RHEX: variants seen among roughly 807,000 people sequenced by gnomAD.
The protein encoded by RHEX is regulator of hemoglobinization and erythroid cell expansion protein.
A neutral mutation model predicts 20.1 loss-of-function variants in RHEX; 18 were observed. The ratio of observed to expected loss-of-function variants is 0.90; its 90% CI spans 0.62 to 1.33. The LOEUF (loss-of-function observed/expected upper bound fraction) is 1.33. Among genes scored for constraint, RHEX ranks in the 40% most tolerant of loss-of-function variants. The pLI, the probability that RHEX is intolerant of heterozygous loss-of-function variation, is 0.00. For synonymous variants in RHEX, 87 were observed against 77.1 expected (o/e 1.13, Z -0.67); for missense variants, 192 against 214.3 (o/e 0.90, Z 0.65).
chr1:206,082,856 G>A (rs1013455057), intron 1 of RHEX, among the ~76,000 whole-genome samples: 4 of 147,898 alleles, frequency 2.7e-5, no homozygotes, highest in African/African-American at 9.7e-5. Flanking sequence ...TGTTTTCTTT[G>A]TCTGTTTTAT....
intron 1 of RHEX, among the ~76,000 whole-genome samples, chr1:206,058,682 T>A (rs1662247023): frequency 6.6e-6 from 1 of 152,118 alleles, no homozygotes; most frequent in Admixed American, 6.5e-5. Flanking sequence ...TCTGTTTCTC[T>A]CTGACCACCG....
At position 206,067,436 on chromosome 1, in the gene RHEX, A is replaced by G. The variant is rs1270890245; in HGVS notation, c.-97+14171A>G. On this transcript the variant is annotated intron_variant, in intron 1 of 5. Coordinates refer to ENST00000331555, the MANE Select transcript of RHEX (RefSeq NM_001007544.4). The surrounding 1 kb of genome is among the most constrained non-coding windows in gnomAD (Gnocchi z 4.6). ...GAGAGACATTAATGGGTGTAGGGAT[A>G]GAGAGATTAAATGAGACCTATGATC... Among the ~76,000 whole-genome samples, 1 of 152,236 alleles carries G rather than the reference A, an allele frequency of 6.6e-6. No homozygotes were observed. The highest frequency in any genetic ancestry group is 1.5e-5 in the Non-Finnish European group (1 of 68,036).
chr1:206,084,609 A>G (rs1305316635), intron 1 of RHEX, among the ~76,000 whole-genome samples: 4 of 152,178 alleles, frequency 2.6e-5, no homozygotes, highest in African/African-American at 9.7e-5. Context: ...TCAGGTACTC[A>G]AGGAAGACTT....
chr1:206,058,504 C>T (rs1330826660), intron 1 of RHEX, among the ~76,000 whole-genome samples: 1 of 152,246 alleles, frequency 6.6e-6, no homozygotes, highest in Non-Finnish European at 1.5e-5. Context: ...AAAAAAACAA[C>T]AAGGAAGTAG....
intron 1 of RHEX, among the ~76,000 whole-genome samples, chr1:206,063,875 C>G (rs1378105918): frequency 2.0e-5 from 3 of 150,016 alleles, no homozygotes; most frequent in African/African-American, 7.4e-5. Context: ...GTGAGGAGCC[C>G]CTCTGCCTGG....
At chr1:206,099,561 C>T in intron 3 of RHEX, 94 bp from the exon 4 acceptor site, 1 of 1,176,482 alleles carries the variant, frequency 8.5e-7, no homozygotes, top group Non-Finnish European at 1.2e-6. Flanking sequence ...TCAAGTGATC[C>T]ATTTACCTCA....
chr1:206,054,619 TTTCTTAAAGCA>T (rs2102300583), intron 1 of RHEX, among the ~76,000 whole-genome samples: 1 of 152,384 alleles, frequency 6.6e-6, no homozygotes, highest in Non-Finnish European at 1.5e-5. Context: ...GCCACAGGTT[TTTCTTAAAGCA>T]TCAACCTGCT....
At chr1:206,096,522 G>A (rs1393907300) in intron 1 of RHEX, among the ~76,000 whole-genome samples, 1 of 152,198 alleles carries the variant, frequency 6.6e-6, no homozygotes, top group Non-Finnish European at 1.5e-5. Flanking sequence ...GCCCTGGCAG[G>A]GGTCTTGAGG....
chr1:206,078,834 T>G (rs566181939), intron 1 of RHEX, among the ~76,000 whole-genome samples: 21 of 152,284 alleles, frequency 1.4e-4, no homozygotes, highest in African/African-American at 4.6e-4. Flanking sequence ...AAGACACCCA[T>G]GAAGCCATGT....
At chr1:206,091,828 C>A (rs1199505193) in intron 1 of RHEX, among the ~76,000 whole-genome samples, 1 of 152,082 alleles carries the variant, frequency 6.6e-6, no homozygotes, top group Non-Finnish European at 1.5e-5. Context: ...CCTGGGCTAA[C>A]TTCTTGATAT....
chr1:206,057,931 G>A (rs1361579231), intron 1 of RHEX, among the ~76,000 whole-genome samples: 3 of 152,366 alleles, frequency 2.0e-5, no homozygotes, highest in East Asian at 3.8e-4. Flanking sequence ...AGCCTTGACT[G>A]TTCTTGCCTG....
chr1:206,080,263 T>A (rs782551179), intron 1 of RHEX: 5 of 152,384 alleles, frequency 3.3e-5, no homozygotes, highest in Non-Finnish European at 7.3e-5. Context: ...CAATCCTATT[T>A]CTGACACTTC....
At chr1:206,064,061 A>G (rs1451716635) in intron 1 of RHEX, among the ~76,000 whole-genome samples, 8 of 146,958 alleles carry the variant, frequency 5.4e-5, no homozygotes, top group African/African-American at 1.8e-4. Context: ...CTGGGATGTG[A>G]GGAGCGCCTC....
intron 1 of RHEX, among the ~76,000 whole-genome samples, chr1:206,055,835 C>T (rs1662182941): frequency 6.6e-6 from 1 of 152,272 alleles, no homozygotes; most frequent in African/African-American, 2.4e-5. Context: ...ACTGTAGGGC[C>T]CTGGCCAAGG....
chr1:206,100,553 T>C (rs1280030372), intron 4 of RHEX, among the ~76,000 whole-genome samples: 2 of 152,208 alleles, frequency 1.3e-5, no homozygotes, highest in African/African-American at 2.4e-5. Flanking sequence ...GGAGAGGCAC[T>C]GGCCTTACCC....
rs75602644 is a variant in RHEX at position 206,071,845 on chromosome 1, C to A, written c.-97+18580C>A. ...GCCTCGGTAACAAAGTGAGACGCCC[C>A]CTGTCCAACAACTCAAAAAAAAAAA... On this transcript the variant is annotated intron_variant, in intron 1 of 5. Transcript: ENST00000331555. Among the ~76,000 whole-genome samples, 1,137 of 149,288 alleles carry A rather than the reference C, an allele frequency of 7.6e-3. 5 individuals carry two copies. The highest frequency in any genetic ancestry group is 0.014 in the Middle Eastern group (4 of 290).
intron 1 of RHEX, among the ~76,000 whole-genome samples, chr1:206,097,059 G>A (rs149138603): frequency 6.6e-6 from 1 of 152,314 alleles, no homozygotes; most frequent in Non-Finnish European, 1.5e-5. Context: ...ACAGGGGCAA[G>A]CCATCCTACC....
At chr1:206,080,388 A>G (rs1239390324) in intron 1 of RHEX, 2 of 152,212 alleles carry the variant, frequency 1.3e-5, no homozygotes, top group Non-Finnish European at 2.9e-5. Context: ...TAAAATAGAG[A>G]AAACAGTTAT....
At chr1:206,097,706 T>C in intron 1 of RHEX, 27 bp from the exon 2 acceptor site, 1 of 1,508,470 alleles carries the variant, frequency 6.6e-7, no homozygotes, top group South Asian at 1.1e-5. Context: ...AGCCCTGGAG[T>C]CCTGACCAGC....
Sources: gnomAD v4.1 joint callset for allele counts (sites outside exome capture counted in the v4.1 genomes callset) on GRCh38, gnomAD v4.1.1 for gene constraint, Gnocchi (gnomAD v3.1) non-coding constraint, MANE v1.5 for transcripts, NCBI Gene and HGNC (gene_info 2026-07-23, HGNC 2026-07-21) for gene names.